JPH2: variants seen among roughly 807,000 people sequenced by gnomAD.
JPH2 encodes junctophilin 2, also known as junctophilin-2.
JPH2 carries 38 observed loss-of-function variants against 55.9 expected under a neutral mutation model. The ratio of observed to expected loss-of-function variants is 0.68; its 90% CI spans 0.52 to 0.89. The LOEUF (loss-of-function observed/expected upper bound fraction) is 0.89, where lower values mean the gene tolerates loss of function less well. JPH2 is among the 40% of genes least tolerant of loss of function. The probability of loss-of-function intolerance (pLI) is 0.00; values close to 1 mark genes in which losing one functional copy is unlikely to be tolerated. For missense variants in JPH2, 964 were observed against 1,037.6 expected, an observed-to-expected ratio of 0.93 and a Z score of 0.97; for synonymous variants, 480 against 472.4, an observed-to-expected ratio of 1.02 and a Z score of -0.21.
In JPH2 at chr20:44,159,959, G is replaced by A. The variant is rs2072596431; in HGVS notation, c.828C>T (p.Ala276=). 3.7e-6 allele frequency: 6 copies of A among 1,601,466 alleles called. No individual in the cohort carries two copies. The highest frequency in any genetic ancestry group is 4.2e-6 in the Non-Finnish European group (5 of 1,176,622). The change falls in exon 2 of 6, where the codon GCC becomes GCT. Residue 276 remains alanine, a synonymous_variant. Transcript: ENST00000372980. The surrounding 1 kb of genome is among the most constrained non-coding windows in gnomAD (Gnocchi z 5.7). ...CGTCGATATCGGCCTCGAAGGGTGCGGCCTCGTCGGCGCCCTCGGCGGCCT... is the reference window on the plus strand; with the variant it reads ...CGTCGATATCGGCCTCGAAGGGTGCAGCCTCGTCGGCGCCCTCGGCGGCCT... ...LGEAAEGADE[A]APFEADIDAT... is the part of the protein sequence containing the mutation.
intron 2 of JPH2, 105 bp from the exon 3 acceptor site, chr20:44,118,728 AC>A (rs1485577109): frequency 1.0e-5 from 9 of 881,638 alleles, no homozygotes; most frequent in Non-Finnish European, 1.5e-5. Flanking sequence ...GCATTCTTTC[AC>A]GCAGGCAGTC....
At chr20:44,161,258 G>A (rs1202330751) in intron 1 of JPH2, among the ~76,000 whole-genome samples, 1 of 152,136 alleles carries the variant, frequency 6.6e-6, no homozygotes, top group African/African-American at 2.4e-5. Flanking sequence ...GAGGTGATGG[G>A]CATCAGTGAA....
In JPH2 at chr20:44,172,639, C is replaced by A. The variant is rs527652492; in HGVS notation, c.380-12232G>T. Among the ~76,000 whole-genome samples the A allele has an allele frequency of 2.0e-5, 3 of 152,252 alleles. No homozygotes were observed. In the South Asian group the frequency reaches 6.2e-4, roughly 32 times the overall value. On this transcript the variant is annotated intron_variant, in intron 1 of 5. Coordinates refer to ENST00000372980, the MANE Select transcript of JPH2 (RefSeq NM_020433.5). ...TCCCAAGTAACTGGGACCACAGGTGCATACCATCATGCTGGCTAATTTTAT... is the reference window on the plus strand; with the variant it reads ...TCCCAAGTAACTGGGACCACAGGTGAATACCATCATGCTGGCTAATTTTAT...
chr20:44,138,381 AGTTT>A lies in JPH2; in HGVS notation c.1170-19762_1170-19759del, dbSNP rs2072431952. On this transcript the variant is annotated intron_variant, in intron 2 of 5. Transcript: ENST00000372980. ...CCAGCAGCAAGCAGCCTTGAGTCTG[AGTTT>A]GTTTGCTTTATTAGACAGAGTCTGG... 3.4e-5 allele frequency among the ~76,000 whole-genome samples: 5 copies of A among 147,862 alleles called. No homozygotes were observed. In the South Asian group the frequency reaches 1.1e-3, roughly 32 times the overall value.
intron 1 of JPH2, among the ~76,000 whole-genome samples, chr20:44,181,131 G>A (rs2072780098): frequency 6.6e-6 from 1 of 152,182 alleles, no homozygotes; most frequent in Admixed American, 6.5e-5. Context: ...TCCCATGCGA[G>A]AGCTGGAGAG....
chr20:44,120,647 G>A (rs527803257), intron 2 of JPH2, among the ~76,000 whole-genome samples: 1 of 152,150 alleles, frequency 6.6e-6, no homozygotes, highest in Non-Finnish European at 1.5e-5. Context: ...GGGCAGTGGT[G>A]TCCAATCTTT....
rs2072110966 is a variant in JPH2 at position 44,106,695 on chromosome 20, A to G, written c.*6823T>C. 6.6e-6 allele frequency among the ~76,000 whole-genome samples: 1 copy of G among 152,162 alleles called. No homozygotes were observed. The highest frequency in any genetic ancestry group is 1.5e-5 in the Non-Finnish European group (1 of 68,022). ...AGCAAGTCACATCTTACTAGATGGC[A>G]GCAGGCAAAGAGAGGAACTTGTGCA... On this transcript the variant is annotated 3_prime_UTR_variant, in exon 6 of 6. Coordinates refer to ENST00000372980, the MANE Select transcript of JPH2 (RefSeq NM_020433.5).
At chr20:44,134,653 T>A (rs181759448) in intron 2 of JPH2, among the ~76,000 whole-genome samples, 1,757 of 19,752 alleles carry the variant, frequency 0.089, 200 homozygotes, top group African/African-American at 0.23. Context: ...AAATATTTAT[T>A]ATAAATATAT....
rs1384905382 is a variant in JPH2, at chr20:44,134,084, T to TAATAAATA, written c.1170-15462_1170-15461insTATTTATT. Among the ~76,000 whole-genome samples, 6 of 19,140 alleles carry TAATAAATA rather than the reference T, an allele frequency of 3.1e-4. 3 individuals carry two copies. Among genetic ancestry groups the TAATAAATA allele is most frequent in the Admixed American group, 2.6e-3 (2 of 772 alleles). The allele number at this position is 19,140 out of a possible 152,430, so 12.6% of individuals were successfully genotyped here. ...TTATAAATATATAAATATATATTTA[T>TAATAAATA]TATAAATATATATTTATTATAAATA... On this transcript the variant is annotated intron_variant, in intron 2 of 5. Transcript: ENST00000372980.
At chr20:44,150,512 A>G (rs1004321447) in intron 2 of JPH2, among the ~76,000 whole-genome samples, 5 of 152,220 alleles carry the variant, frequency 3.3e-5, no homozygotes, top group Non-Finnish European at 7.3e-5. Flanking sequence ...TTTCCCCTGC[A>G]GAAATTGACA....
At chr20:44,139,101 G>C (rs1189307830) in intron 2 of JPH2, among the ~76,000 whole-genome samples, 3 of 152,162 alleles carry the variant, frequency 2.0e-5, no homozygotes, top group African/African-American at 7.2e-5. Flanking sequence ...GCCCATGACT[G>C]GGACGTGGGA....
intron 3 of JPH2, among the ~76,000 whole-genome samples, chr20:44,116,599 C>G (rs1431596291): frequency 3.3e-5 from 5 of 152,180 alleles, no homozygotes; most frequent in African/African-American, 7.2e-5. Flanking sequence ...CTGTGAACCT[C>G]AAAGGGAGGC....
At chr20:44,134,893 T>A (rs879610059) in intron 2 of JPH2, among the ~76,000 whole-genome samples, 46,688 of 110,320 alleles carry the variant, frequency 0.42, 9,838 homozygotes, top group Admixed American at 0.54. Flanking sequence ...TATATTAATA[T>A]ATATTTATAT....
At chr20:44,162,974 A>C (rs1239962329) in intron 1 of JPH2, among the ~76,000 whole-genome samples, 2 of 150,810 alleles carry the variant, frequency 1.3e-5, no homozygotes, top group African/African-American at 4.9e-5. Flanking sequence ...GAACCCACAA[A>C]ATTTTTTCCA....
At chr20:44,126,135 A>G (rs2072273044) in intron 2 of JPH2, among the ~76,000 whole-genome samples, 1 of 23,970 alleles carries the variant, frequency 4.2e-5, no homozygotes, top group African/African-American at 1.8e-4. Context: ...CAGAAGAAAA[A>G]GAGAGAGGGA....
At chr20:44,129,992 G>A (rs147804841) in intron 2 of JPH2, among the ~76,000 whole-genome samples, 52 of 152,210 alleles carry the variant, frequency 3.4e-4, no homozygotes, top group African/African-American at 1.2e-3. Context: ...TTAGACTTCC[G>A]ACCTCCAGAA....
At chr20:44,180,392 C>T (rs1452500758) in intron 1 of JPH2, among the ~76,000 whole-genome samples, 3 of 151,808 alleles carry the variant, frequency 2.0e-5, no homozygotes, top group African/African-American at 4.8e-5. Context: ...AGTGCAGTAG[C>T]GTGATCATGG....
chr20:44,150,852 C>T (rs573399901), intron 2 of JPH2, among the ~76,000 whole-genome samples: 1 of 151,952 alleles, frequency 6.6e-6, no homozygotes, highest in Non-Finnish European at 1.5e-5. Flanking sequence ...ATAGCAAGAC[C>T]TCGTCTCTAC....
At position 44,187,024 on chromosome 20, in the gene JPH2, G is replaced by T; in HGVS notation, c.-319C>A. On this transcript the variant is annotated 5_prime_UTR_variant, in exon 1 of 6. Transcript: ENST00000372980. ...AGTCTGCCTTCCAAGAAGTCCAAGG[G>T]AAAACGGTGTGATCTCTTTAAGAAG... 14 of 441,572 alleles carry T rather than the reference G, an allele frequency of 3.2e-5. No homozygotes were observed. The South Asian group carries it at 4.0e-4, about 13-fold the overall frequency. The allele number at this position is 441,572 out of a possible 1,614,324, so 27.4% of individuals were successfully genotyped here.
Sources: gnomAD v4.1 joint callset for allele counts (sites outside exome capture counted in the v4.1 genomes callset) on GRCh38, gnomAD v4.1.1 for gene constraint, Gnocchi (gnomAD v3.1) non-coding constraint, MANE v1.5 for transcripts, NCBI Gene and HGNC (gene_info 2026-07-23, HGNC 2026-07-21) for gene names.